Variants in TBC1D12 observed in about 807,000 individuals in gnomAD.
The protein encoded by TBC1D12 is TBC1 domain family, member 12.
A neutral mutation model predicts 86.7 loss-of-function variants in TBC1D12; 56 were observed. That is an observed-to-expected ratio of 0.65 (90% confidence interval 0.52 to 0.81). The LOEUF (loss-of-function observed/expected upper bound fraction) is 0.81. Among genes scored for constraint, TBC1D12 ranks in the 30% least tolerant of loss-of-function variants. The probability of loss-of-function intolerance (pLI) is 0.00; values close to 1 mark genes in which losing one functional copy is unlikely to be tolerated. For synonymous variants in TBC1D12, 421 were observed against 411.7 expected (o/e 1.02, Z -0.27); for missense variants, 1,023 against 1,038.8 (o/e 0.98, Z 0.21).
chr10:94,501,096 G>GAATAAATA (rs35244809), intron 6 of TBC1D12, among the ~76,000 whole-genome samples: 34 of 148,968 alleles, frequency 2.3e-4, no homozygotes, highest in East Asian at 1.2e-3. Context: ...ATGAATGAAT[G>GAATAAATA]AATAAATAAA....
At chr10:94,455,212 C>T (rs1212588950) in intron 2 of TBC1D12, among the ~76,000 whole-genome samples, 3 of 151,656 alleles carry the variant, frequency 2.0e-5, no homozygotes, top group African/African-American at 7.3e-5. Flanking sequence ...AACATTGAGC[C>T]AGTTGTGCAT....
chr10:94,487,792 G>A (rs574806994), intron 3 of TBC1D12, among the ~76,000 whole-genome samples: 122 of 147,878 alleles, frequency 8.3e-4, no homozygotes, highest in African/African-American at 2.8e-3. Context: ...TATCTCCTGC[G>A]ATCAGTTGAT....
intron 1 of TBC1D12, among the ~76,000 whole-genome samples, chr10:94,414,686 G>A (rs2054975681): frequency 6.9e-6 from 1 of 145,402 alleles, no homozygotes; most frequent in Non-Finnish European, 1.5e-5. Context: ...TGCCACCTCC[G>A]CTTCCCAGGT....
intron 11 of TBC1D12, among the ~76,000 whole-genome samples, chr10:94,527,276 G>C (rs746108177): frequency 6.6e-6 from 1 of 152,054 alleles, no homozygotes. Context: ...TTTTAGTAGA[G>C]ACGGGGTCTC....
chr10:94,464,201 TACC>T (rs1320087361), intron 2 of TBC1D12, among the ~76,000 whole-genome samples: 1 of 152,194 alleles, frequency 6.6e-6, no homozygotes, highest in Non-Finnish European at 1.5e-5. Context: ...TACAATCTGA[TACC>T]CTCTATTTTT....
rs564781073 is a variant in TBC1D12 at position 94,504,480 on chromosome 10, G to T, written c.1520-2787G>T. 9.9e-5 allele frequency among the ~76,000 whole-genome samples: 15 copies of T among 152,284 alleles called. No individual in the cohort carries two copies. The South Asian group carries it at 2.5e-3, about 25-fold the overall frequency. On this transcript the variant is annotated intron_variant, in intron 6 of 12. Coordinates refer to ENST00000225235, the MANE Select transcript of TBC1D12 (RefSeq NM_015188.2). Reference sequence around the variant, plus strand: ...TCTCCTTTTTTATTAGTGCGGAAAAGATGCTAAAATTGGATTGAATTACAT... The same window carrying T: ...TCTCCTTTTTTATTAGTGCGGAAAATATGCTAAAATTGGATTGAATTACAT...
chr10:94,518,758 C>T (rs2134218947), intron 9 of TBC1D12, among the ~76,000 whole-genome samples: 1 of 152,236 alleles, frequency 6.6e-6, no homozygotes, highest in Admixed American at 6.5e-5. Flanking sequence ...TCTGAATGAG[C>T]TATAAATAGT....
chr10:94,461,876 G>A (rs2055734886), intron 2 of TBC1D12, among the ~76,000 whole-genome samples: 1 of 152,116 alleles, frequency 6.6e-6, no homozygotes, highest in African/African-American at 2.4e-5. Context: ...GTTTGCTTAG[G>A]TTTTTACTTG....
intron 2 of TBC1D12, among the ~76,000 whole-genome samples, chr10:94,460,100 C>T (rs1422299406): frequency 2.0e-5 from 3 of 152,136 alleles, no homozygotes; most frequent in South Asian, 2.1e-4. Flanking sequence ...GGCATGGTGG[C>T]ACATGCCTGT....
intron 11 of TBC1D12, among the ~76,000 whole-genome samples, chr10:94,522,758 A>G (rs1255276763): frequency 6.6e-6 from 1 of 152,116 alleles, no homozygotes; most frequent in Non-Finnish European, 1.5e-5. Flanking sequence ...TACTAAATAT[A>G]CAAAAACTTA....
Position 94,403,302 on chromosome 10 carries a change from G to T in TBC1D12, c.689G>T (p.Ser230Ile). The T allele has an allele frequency of 1.3e-6, 2 of 1,511,344 alleles. No individual in the cohort carries two copies. The highest frequency in any genetic ancestry group is 1.8e-6 in the Non-Finnish European group (2 of 1,130,970). The allele number at this position is 1,511,344 out of a possible 1,614,324, so 93.6% of individuals were successfully genotyped here. The change falls in exon 1 of 13, where the codon AGC becomes ATC. Residue 230 changes from serine (S) to isoleucine (I), a missense_variant. Around this residue, in one of 2 missense-constraint regions of TBC1D12, gnomAD observed 628 missense variants for 531.1 expected, o/e 1.18. Transcript: ENST00000225235. ...AGCCCCGCCAGCAGCTGCAGCAGTA[G>T]CGAGGACTCAGAGCAGCGGGGAGTC... is the stretch of plus-strand genomic sequence containing the variant. ...GDSPASSCSS[S>I]EDSEQRGVGA... is the part of the protein sequence containing the mutation.
chr10:94,417,366 C>T (rs948081076), intron 1 of TBC1D12, among the ~76,000 whole-genome samples: 1 of 152,094 alleles, frequency 6.6e-6, no homozygotes, highest in Non-Finnish European at 1.5e-5. Flanking sequence ...ATACCAGTAG[C>T]CTTTTTGTGA....
At chr10:94,421,976 A>G (rs965683050) in intron 1 of TBC1D12, among the ~76,000 whole-genome samples, 1 of 152,196 alleles carries the variant, frequency 6.6e-6, no homozygotes, top group Non-Finnish European at 1.5e-5. Context: ...TATGGGTGTC[A>G]TTAAACCTTC....
chr10:94,462,263 C>T (rs966791423), intron 2 of TBC1D12, among the ~76,000 whole-genome samples: 1 of 152,098 alleles, frequency 6.6e-6, no homozygotes, highest in East Asian at 1.9e-4. Flanking sequence ...TAATTTAAGC[C>T]AAGGTTTCTC....
chr10:94,430,324 G>A (rs1223645635), intron 1 of TBC1D12, among the ~76,000 whole-genome samples: 2 of 152,160 alleles, frequency 1.3e-5, no homozygotes, highest in Non-Finnish European at 2.9e-5. Flanking sequence ...ATTACTGTTG[G>A]CAGTAAGAAG....
chr10:94,407,480 G>A (rs1286978119), intron 1 of TBC1D12, among the ~76,000 whole-genome samples: 14 of 152,280 alleles, frequency 9.2e-5, no homozygotes, highest in Admixed American at 8.5e-4. Flanking sequence ...TCAAGAGTTC[G>A]AGACCAGCCT....
chr10:94,438,573 A>G (rs1174698480), intron 1 of TBC1D12, among the ~76,000 whole-genome samples: 1 of 151,766 alleles, frequency 6.6e-6, no homozygotes, highest in Non-Finnish European at 1.5e-5. Flanking sequence ...CCGGTTAGCA[A>G]CTCCAGGAAC....
At chr10:94,473,181 T>C (rs926601778) in intron 2 of TBC1D12, among the ~76,000 whole-genome samples, 13 of 151,210 alleles carry the variant, frequency 8.6e-5, no homozygotes, top group Non-Finnish European at 1.6e-4. Context: ...GGAGAAACCC[T>C]GTCTCTACTA....
At chr10:94,437,588 A>G (rs1205571834) in intron 1 of TBC1D12, among the ~76,000 whole-genome samples, 1 of 152,138 alleles carries the variant, frequency 6.6e-6, no homozygotes, top group Non-Finnish European at 1.5e-5. Context: ...GGCCTCCCAA[A>G]GTGAGTTATT....
Sources: gnomAD v4.1 joint callset for allele counts (sites outside exome capture counted in the v4.1 genomes callset) on GRCh38, gnomAD v4.1.1 for gene constraint, gnomAD v4.1.1 regional missense constraint, MANE v1.5 for transcripts, NCBI Gene and HGNC (gene_info 2026-07-23, HGNC 2026-07-21) for gene names.